Variants in CSGALNACT1 observed in about 807,000 individuals in gnomAD.
CSGALNACT1 encodes beta4GalNAcT-1.
CSGALNACT1 carries 52 observed loss-of-function variants against 51.0 expected under a neutral mutation model. The observed-to-expected ratio is 1.02, with a 90% CI of 0.82 to 1.29. The LOEUF (loss-of-function observed/expected upper bound fraction) is 1.29. Ranked by LOEUF, CSGALNACT1 falls within the 50% of genes most tolerant of loss-of-function variation. CSGALNACT1 has a pLI of 0.00. For missense variants in CSGALNACT1, 935 were observed against 679.2 expected (o/e 1.38, Z -4.19); for synonymous variants, 341 against 254.4 (o/e 1.34, Z -3.24).
At chr8:19,461,984 A>G (rs1237999459) in intron 4 of CSGALNACT1, among the ~76,000 whole-genome samples, 1 of 152,122 alleles carries the variant, frequency 6.6e-6, no homozygotes, top group African/African-American at 2.4e-5. Context: ...GGATAGCTGC[A>G]CAGCAACGAC....
intron 5 of CSGALNACT1, among the ~76,000 whole-genome samples, chr8:19,450,073 G>C (rs2062825795): frequency 3.1e-5 from 4 of 127,126 alleles, no homozygotes; most frequent in Admixed American, 1.6e-4. Context: ...GAAGAAAGAG[G>C]GGGAGGAGGG....
At chr8:19,556,548 C>T (rs868265006) in intron 3 of CSGALNACT1, among the ~76,000 whole-genome samples, 4 of 152,276 alleles carry the variant, frequency 2.6e-5, no homozygotes, top group Middle Eastern at 3.4e-3. Context: ...CACGGCACCA[C>T]GGCAACCAAG....
At chr8:19,744,885 T>C (rs1480321826) in intron 1 of CSGALNACT1, among the ~76,000 whole-genome samples, 2 of 152,216 alleles carry the variant, frequency 1.3e-5, no homozygotes, top group African/African-American at 2.4e-5. Context: ...TGGGAAGACA[T>C]TATAAAATTG....
chr8:19,464,492 C>T (rs2066236328), intron 4 of CSGALNACT1, among the ~76,000 whole-genome samples: 1 of 152,072 alleles, frequency 6.6e-6, no homozygotes, highest in Non-Finnish European at 1.5e-5. Flanking sequence ...AATCTGGGCA[C>T]CAATCAAGCT....
At chr8:19,504,313 T>C (rs1254352993) in intron 4 of CSGALNACT1, among the ~76,000 whole-genome samples, 2 of 152,280 alleles carry the variant, frequency 1.3e-5, no homozygotes, top group East Asian at 3.9e-4. Flanking sequence ...CCCGACCTCA[T>C]GATCCGCCTG....
chr8:19,664,638 AACACACAAACAC>A (rs1428878141), intron 1 of CSGALNACT1, among the ~76,000 whole-genome samples: 1 of 138,996 alleles, frequency 7.2e-6, no homozygotes, highest in Non-Finnish European at 1.6e-5. Context: ...CACACACACA[AACACACAAACAC>A]ACACACACAC....
intron 1 of CSGALNACT1, among the ~76,000 whole-genome samples, chr8:19,722,745 C>T (rs748145426): frequency 1.3e-4 from 20 of 152,206 alleles, no homozygotes; most frequent in Non-Finnish European, 2.8e-4. Flanking sequence ...CTCACATTAA[C>T]CAAGCCCAAA....
chr8:19,561,591 A>C (rs1409527563), intron 3 of CSGALNACT1, among the ~76,000 whole-genome samples: 2 of 152,366 alleles, frequency 1.3e-5, no homozygotes, highest in African/African-American at 4.8e-5. Flanking sequence ...CCTGTCCTGC[A>C]GCAGGTGTGA....
intron 1 of CSGALNACT1, among the ~76,000 whole-genome samples, chr8:19,646,085 T>C (rs1310646770): frequency 6.6e-6 from 1 of 152,066 alleles, no homozygotes; most frequent in Non-Finnish European, 1.5e-5. Context: ...TGAACGACAC[T>C]TTAAAAGAGA....
At chr8:19,607,495 A>G (rs765505182), upstream of CSGALNACT1, among the ~76,000 whole-genome samples, 5 of 152,208 alleles carry the variant, frequency 3.3e-5, no homozygotes, top group Non-Finnish European at 7.3e-5. Context: ...ATTTTCCAGC[A>G]AACGGTCTGC....
chr8:19,647,214 C>T (rs903010822), intron 1 of CSGALNACT1, among the ~76,000 whole-genome samples: 5 of 152,154 alleles, frequency 3.3e-5, no homozygotes, highest in Non-Finnish European at 5.9e-5. Context: ...ATTACACCTG[C>T]TATCCAACAA....
At chr8:19,611,842 G>A (rs2052313263) in intron 1 of CSGALNACT1, among the ~76,000 whole-genome samples, 1 of 152,062 alleles carries the variant, frequency 6.6e-6, no homozygotes, top group Non-Finnish European at 1.5e-5. Flanking sequence ...AAAAAAATAT[G>A]ACCGGAAATC....
intron 1 of CSGALNACT1, among the ~76,000 whole-genome samples, chr8:19,670,829 C>G (rs180730084): frequency 1.9e-4 from 29 of 152,252 alleles, no homozygotes; most frequent in African/African-American, 7.0e-4. Flanking sequence ...GCACAAGTAG[C>G]TTTTGGCCCC....
At chr8:19,439,362 C>T (rs1012209664) in intron 6 of CSGALNACT1, among the ~76,000 whole-genome samples, 1 of 152,150 alleles carries the variant, frequency 6.6e-6, no homozygotes, top group Non-Finnish European at 1.5e-5. Flanking sequence ...AAATACTTAA[C>T]GAATGAAAGC....
At chr8:19,732,703 G>A (rs920797856) in intron 1 of CSGALNACT1, 2 of 152,226 alleles carry the variant, frequency 1.3e-5, no homozygotes, top group Non-Finnish European at 2.9e-5. Flanking sequence ...TCAAGTTGCA[G>A]AAAAGTTACA....
intron 9 of CSGALNACT1, 81 bp from the exon 9 acceptor site, chr8:19,406,150 C>A: frequency 6.6e-7 from 1 of 1,507,952 alleles, no homozygotes; most frequent in Non-Finnish European, 9.2e-7. Flanking sequence ...ACAAACTTTT[C>A]ATTAAGACAT....
chr8:19,499,244 C>G (rs1454339731), intron 4 of CSGALNACT1, among the ~76,000 whole-genome samples: 1 of 152,202 alleles, frequency 6.6e-6, no homozygotes, highest in Non-Finnish European at 1.5e-5. Flanking sequence ...ATTACAGTCA[C>G]AAAATCTCCA....
intron 3 of CSGALNACT1, among the ~76,000 whole-genome samples, chr8:19,547,297 T>C (rs1249709543): frequency 1.3e-5 from 2 of 152,228 alleles, no homozygotes; most frequent in African/African-American, 4.8e-5. Context: ...CCAAGTCTGA[T>C]AACTAACTGG....
chr8:19,538,807 G>A (rs10105363), intron 3 of CSGALNACT1, among the ~76,000 whole-genome samples: 78 of 151,952 alleles, frequency 5.1e-4, no homozygotes, highest in Middle Eastern at 3.4e-3. Flanking sequence ...TCCTGGTTCC[G>A]TTGCTTCCTA....
Sources: gnomAD v4.1 joint callset for allele counts (sites outside exome capture counted in the v4.1 genomes callset) on GRCh38, gnomAD v4.1.1 for gene constraint, MANE v1.5 for transcripts, NCBI Gene and HGNC (gene_info 2026-07-23, HGNC 2026-07-21) for gene names.